The following NLGN1 variants were observed in gnomAD, a reference collection of about 807,000 sequenced individuals.
NLGN1 encodes neuroligin 1.
A neutral mutation model predicts 65.5 loss-of-function variants in NLGN1; 12 were observed. The ratio of observed to expected loss-of-function variants is 0.18; its 90% CI spans 0.12 to 0.30. NLGN1 has a LOEUF of 0.30. NLGN1 is among the 10% of genes least tolerant of loss of function. The pLI, the probability that NLGN1 is intolerant of heterozygous loss-of-function variation, is 1.00. For synonymous variants in NLGN1, 350 were observed against 359.5 expected (o/e 0.97, Z 0.30); for missense variants, 750 against 1,007.1 (o/e 0.74, Z 3.46).
intron 4 of NLGN1, among the ~76,000 whole-genome samples, chr3:173,973,120 G>C (rs1284263914): frequency 2.0e-5 from 3 of 152,056 alleles, no homozygotes; most frequent in Non-Finnish European, 2.9e-5. Flanking sequence ...TAGTATTCTT[G>C]TAAAGTCTAT....
At chr3:174,212,333 G>A (rs540005642) in intron 4 of NLGN1, among the ~76,000 whole-genome samples, 92 of 152,322 alleles carry the variant, frequency 6.0e-4, no homozygotes, top group African/African-American at 2.1e-3. Context: ...TGCGCAGCCC[G>A]GGTTCCCGCC....
intron 4 of NLGN1, among the ~76,000 whole-genome samples, chr3:174,083,516 A>G (rs1742658802): frequency 6.6e-6 from 1 of 152,180 alleles, no homozygotes; most frequent in Non-Finnish European, 1.5e-5. Flanking sequence ...CACATAGTGA[A>G]TTCCTGGAAT....
intron 4 of NLGN1, among the ~76,000 whole-genome samples, chr3:174,021,586 G>C (rs1727760587): frequency 6.6e-6 from 1 of 152,144 alleles, no homozygotes; most frequent in Admixed American, 6.6e-5. Flanking sequence ...TAGTGTAATA[G>C]AAACGAAGAA....
intron 3 of NLGN1, among the ~76,000 whole-genome samples, chr3:173,641,776 A>G (rs563576591): frequency 1.3e-5 from 2 of 152,344 alleles, no homozygotes; most frequent in East Asian, 1.9e-4. Flanking sequence ...AGAAGTGGGT[A>G]GGCTAGAGCC....
At chr3:174,154,336 A>G (rs1724932216) in intron 4 of NLGN1, among the ~76,000 whole-genome samples, 1 of 152,096 alleles carries the variant, frequency 6.6e-6, no homozygotes, top group African/African-American at 2.4e-5. Context: ...GGAAAAAATA[A>G]GATTGCATTT....
intron 4 of NLGN1, among the ~76,000 whole-genome samples, chr3:174,010,020 G>A (rs931988508): frequency 2.2e-4 from 34 of 152,204 alleles, no homozygotes; most frequent in African/African-American, 7.7e-4. Flanking sequence ...TTTAATCAAT[G>A]TACTAGTAAA....
chr3:174,208,679 AAGG>A, intron 4 of NLGN1, among the ~76,000 whole-genome samples: 1 of 136,194 alleles, frequency 7.3e-6, no homozygotes, highest in Non-Finnish European at 1.6e-5. Flanking sequence ...AAAAAAAAAA[AAGG>A]AGAACAATAA....
intron 4 of NLGN1, among the ~76,000 whole-genome samples, chr3:173,999,507 A>G (rs1722884933): frequency 6.6e-6 from 1 of 152,208 alleles, no homozygotes; most frequent in African/African-American, 2.4e-5. Flanking sequence ...ACATCTTGTA[A>G]TAATGGGAAA....
intron 2 of NLGN1, among the ~76,000 whole-genome samples, chr3:173,457,330 C>T (rs1722667840): frequency 6.6e-6 from 1 of 152,046 alleles, no homozygotes; most frequent in Non-Finnish European, 1.5e-5. Context: ...ACAGTTGCTG[C>T]ATGTGGTTGT....
rs535386341 is a variant in NLGN1, at chr3:173,617,030, T to C, written c.493+11939T>C. Among the ~76,000 whole-genome samples the C allele has an allele frequency of 2.0e-5, 3 of 152,298 alleles. No homozygotes were observed. The East Asian group carries it at 5.8e-4, about 29-fold the overall frequency. ...TTTCTAGCTTTGTTGATATTCTTTT[T>C]GTTCCTGGAATAGTCAACCTCCATC... On this transcript the variant is annotated intron_variant, in intron 3 of 6. Transcript: ENST00000457714.
chr3:173,638,641 C>T (rs1560090519), intron 3 of NLGN1, among the ~76,000 whole-genome samples: 1 of 152,016 alleles, frequency 6.6e-6, no homozygotes, highest in Admixed American at 6.6e-5. Flanking sequence ...AGATAGTATA[C>T]AAGAATTGTA....
intron 4 of NLGN1, among the ~76,000 whole-genome samples, chr3:174,178,307 C>T (rs1473595331): frequency 1.3e-5 from 2 of 152,012 alleles, no homozygotes; most frequent in African/African-American, 4.8e-5. Flanking sequence ...AGGTGTTATT[C>T]AATAGACCTG....
intron 4 of NLGN1, among the ~76,000 whole-genome samples, chr3:173,846,138 C>A (rs1725750566): frequency 6.6e-6 from 1 of 152,042 alleles, no homozygotes; most frequent in Non-Finnish European, 1.5e-5. Context: ...GTCCCCAGTA[C>A]AAGTATAATT....
intron 4 of NLGN1, among the ~76,000 whole-genome samples, chr3:173,905,468 G>C (rs993570002): frequency 6.6e-6 from 1 of 152,186 alleles, no homozygotes; most frequent in Admixed American, 6.6e-5. Flanking sequence ...CCACAGACAA[G>C]GGAAGGGAAT....
At chr3:173,805,858 A>C (rs185042185) in intron 3 of NLGN1, among the ~76,000 whole-genome samples, 1 of 152,306 alleles carries the variant, frequency 6.6e-6, no homozygotes, top group East Asian at 1.9e-4. Flanking sequence ...TGCACAGTTT[A>C]ACAATCTCAA....
chr3:174,028,756 G>T (rs1729338086), intron 4 of NLGN1, among the ~76,000 whole-genome samples: 1 of 152,208 alleles, frequency 6.6e-6, no homozygotes, highest in African/African-American at 2.4e-5. Context: ...GTCATGAGGA[G>T]TCAAATGTTA....
At chr3:174,008,462 C>T (rs937701204) in intron 4 of NLGN1, among the ~76,000 whole-genome samples, 5 of 151,398 alleles carry the variant, frequency 3.3e-5, no homozygotes, top group African/African-American at 7.3e-5. Flanking sequence ...CATTGCTTCC[C>T]AGCCCACCAT....
chr3:173,604,419 C>T, exon 3 of NLGN1: 1 of 682,010 alleles, frequency 1.5e-6, no homozygotes, highest in East Asian at 2.5e-5. Context: ...GAAGATGCTG[C>T]TCCAATACAT....
intron 4 of NLGN1, among the ~76,000 whole-genome samples, chr3:173,894,761 C>T (rs1736035852): frequency 6.6e-6 from 1 of 151,730 alleles, no homozygotes; most frequent in Admixed American, 6.6e-5. Flanking sequence ...TCTAAGCTTC[C>T]CAATTAGCTA....
Sources: gnomAD v4.1 joint callset for allele counts (sites outside exome capture counted in the v4.1 genomes callset) on GRCh38, gnomAD v4.1.1 for gene constraint, MANE v1.5 for transcripts, NCBI Gene and HGNC (gene_info 2026-07-23, HGNC 2026-07-21) for gene names.